The following PLA2R1 variants were observed in gnomAD, a reference collection of about 807,000 sequenced individuals.
The protein encoded by PLA2R1 is phospholipase A2 receptor 1.
PLA2R1 carries 158 observed loss-of-function variants against 195.9 expected under a neutral mutation model. That is an observed-to-expected ratio of 0.81 (90% CI 0.71 to 0.92). PLA2R1 has a LOEUF of 0.92. Ranked by LOEUF, PLA2R1 falls within the 40% of genes least tolerant of loss-of-function variation. The probability of loss-of-function intolerance (pLI) is 0.00; values close to 1 mark genes in which losing one functional copy is unlikely to be tolerated. For synonymous variants in PLA2R1, 586 were observed against 598.2 expected (o/e 0.98, Z 0.30); for missense variants, 1,626 against 1,764.6 (o/e 0.92, Z 1.41).
chr2:159,960,804 C>T (rs1024147894), intron 20 of PLA2R1, among the ~76,000 whole-genome samples: 2 of 152,138 alleles, frequency 1.3e-5, no homozygotes, highest in Non-Finnish European at 2.9e-5. Flanking sequence ...AGTTTTAAAA[C>T]CCACTTAATT....
rs1330954157 is a variant in PLA2R1, at chr2:159,951,356, C to T, written c.3524G>A (p.Gly1175Glu). 6.2e-7 allele frequency: 1 copy of T among 1,603,318 alleles called. No homozygotes were observed. The highest frequency in any genetic ancestry group is 1.7e-5 in the Admixed American group (1 of 60,000). Residue 1175 changes from glycine to glutamate, a missense_variant, in exon 24 of 30, where the codon GGA (glycine) becomes GAA (glutamate). Physicochemically the swap from Gly to Glu is moderately conservative, Grantham distance 98. Coordinates refer to ENST00000283243, the MANE Select transcript of PLA2R1 (RefSeq NM_007366.5). ...GATACCTACATCTGTGGTGAACAGT[C>T]CAATCCAGTGGGCATATCCTAGCCG... ...LNRLGYAHWI[G>E]LFTTDNGLNF...
At chr2:159,975,725 G>C (rs1321134662) in intron 17 of PLA2R1, among the ~76,000 whole-genome samples, 1 of 151,764 alleles carries the variant, frequency 6.6e-6, no homozygotes, top group African/African-American at 2.4e-5. Context: ...TAGGAATTTG[G>C]GTCTTTTTTA....
intron 17 of PLA2R1, among the ~76,000 whole-genome samples, chr2:159,971,079 T>C (rs1320230780): frequency 1.5e-4 from 23 of 152,152 alleles, no homozygotes; most frequent in Non-Finnish European, 1.5e-4. Context: ...TCTGCACATG[T>C]ATCCCAGAAC....
chr2:159,998,772 C>T (rs1161443451), intron 11 of PLA2R1, among the ~76,000 whole-genome samples: 1 of 152,088 alleles, frequency 6.6e-6, no homozygotes, highest in African/African-American at 2.4e-5. Context: ...ACTTCTTTAA[C>T]CACTAAATCC....
chr2:160,020,188 G>T lies in PLA2R1; in HGVS notation c.1370C>A (p.Ser457Ter), dbSNP rs773347307. 1.2e-6 allele frequency: 2 copies of T among 1,608,498 alleles called. No homozygotes were observed. Among genetic ancestry groups the T allele is most frequent in the African/African-American group, 1.3e-5 (1 of 74,934 alleles). The part of the protein sequence containing the change: ...PVSFEWSNDS[S>*]VIFTNWHTLE... ...TGTGTGCCAATTAGTAAAGATGACTGAAGAGTCATTAGACCATTCAAAGGA... is the reference window on the plus strand; with the variant it reads ...TGTGTGCCAATTAGTAAAGATGACTTAAGAGTCATTAGACCATTCAAAGGA... Residue 457 changes from serine to a stop codon, truncating the protein, a stop_gained, in exon 8 of 30, where the codon TCA becomes TAA. Coordinates refer to ENST00000283243, the MANE Select transcript of PLA2R1 (RefSeq NM_007366.5). LOFTEE classifies it high-confidence loss of function.
chr2:159,971,632 T>C (rs1689198820), intron 17 of PLA2R1, among the ~76,000 whole-genome samples: 1 of 152,154 alleles, frequency 6.6e-6, no homozygotes. Context: ...TGTGTGTGTG[T>C]GTGTTGTGTG....
At chr2:159,943,840 C>T (rs956715633) in intron 28 of PLA2R1, among the ~76,000 whole-genome samples, 2 of 150,514 alleles carry the variant, frequency 1.3e-5, no homozygotes, top group African/African-American at 4.9e-5. Flanking sequence ...AGTTGAGACT[C>T]ACACTGTGGG....
At chr2:160,050,833 C>T (rs1313553744) in intron 1 of PLA2R1, among the ~76,000 whole-genome samples, 1 of 152,180 alleles carries the variant, frequency 6.6e-6, no homozygotes, top group Non-Finnish European at 1.5e-5. Context: ...GCCATTATTA[C>T]AGTTTGATCT....
intron 11 of PLA2R1, among the ~76,000 whole-genome samples, chr2:159,996,794 T>C (rs1691242585): frequency 6.6e-6 from 1 of 152,154 alleles, no homozygotes; most frequent in Admixed American, 6.6e-5. Context: ...GATTCTTTTC[T>C]CATCTGTGCC....
At chr2:159,946,281 C>T in intron 27 of PLA2R1, 1 of 985,336 alleles carries the variant, frequency 1.0e-6, no homozygotes, top group South Asian at 4.7e-5. Flanking sequence ...CTGTAACAAG[C>T]TCTCCATACC....
chr2:159,994,004 C>A (rs1606116), intron 11 of PLA2R1, among the ~76,000 whole-genome samples: 8,960 of 151,834 alleles, frequency 0.059, 470 homozygotes, highest in East Asian at 0.18. Flanking sequence ...ACTATCCCAG[C>A]TATAAGTGAA....
rs1373031692 is a variant in PLA2R1, at chr2:159,949,616, A to C, written c.3701T>G (p.Val1234Gly). The stretch of plus-strand genomic sequence containing the variant: ...AATAGAATTGAACCTACCAGGTGGC[A>C]CATGACAAATGGCACCTTGCAGAAA... The part of the protein sequence containing the change: ...ESFLQGAICH[V>G]PPETRQSEHP... The change falls in exon 25 of 30, where the codon GTG (valine) becomes GGG (glycine). Residue 1234 changes from valine (V) to glycine (G), a missense_variant. By Grantham distance (109) the Val-to-Gly change is moderately radical. Coordinates refer to ENST00000283243, the MANE Select transcript of PLA2R1 (RefSeq NM_007366.5). 1.2e-6 allele frequency: 2 copies of C among 1,613,344 alleles called. No homozygotes were observed. The highest frequency in any genetic ancestry group is 2.2e-5 in the South Asian group (2 of 91,066).
At chr2:160,039,026 C>T (rs1470500104) in intron 3 of PLA2R1, among the ~76,000 whole-genome samples, 1 of 151,898 alleles carries the variant, frequency 6.6e-6, no homozygotes, top group Non-Finnish European at 1.5e-5. Context: ...ACCACCACAC[C>T]CAGCTAATTT....
chr2:159,956,986 A>C (rs943537853), intron 20 of PLA2R1, among the ~76,000 whole-genome samples: 1 of 151,232 alleles, frequency 6.6e-6, no homozygotes, highest in Non-Finnish European at 1.5e-5. Context: ...AAAAAAAAAA[A>C]CAAAAACATT....
chr2:159,971,349 C>T lies in PLA2R1; in HGVS notation c.2596-1137G>A, dbSNP rs528188271. Among the ~76,000 whole-genome samples, 42 of 152,078 alleles carry T rather than the reference C, an allele frequency of 2.8e-4. 1 individual carries two copies. Among genetic ancestry groups the T allele is most frequent in the African/African-American group, 9.6e-4 (40 of 41,518 alleles). On this transcript the variant is annotated intron_variant, in intron 17 of 29. Coordinates refer to ENST00000283243, the MANE Select transcript of PLA2R1 (RefSeq NM_007366.5). The stretch of plus-strand genomic sequence containing the variant: ...AGGAAATAGAAGACTTGAACAACAA[C>T]AACAAAAAGAAAATTATCCTTTTAC...
intron 17 of PLA2R1, among the ~76,000 whole-genome samples, chr2:159,975,237 A>C (rs528612989): frequency 6.6e-6 from 1 of 152,182 alleles, no homozygotes; most frequent in Non-Finnish European, 1.5e-5. Context: ...TGATGTTTTA[A>C]AGTATATATA....
chr2:160,016,974 T>C (rs891467764), intron 8 of PLA2R1, among the ~76,000 whole-genome samples: 1 of 152,192 alleles, frequency 6.6e-6, no homozygotes, highest in African/African-American at 2.4e-5. Context: ...TGCTTCTTGA[T>C]AGCTGCCATG....
In PLA2R1 at chr2:160,023,811, G is replaced by C. The variant is rs578142542; in HGVS notation, c.1100-952C>G. 6.6e-5 allele frequency among the ~76,000 whole-genome samples: 10 copies of C among 152,318 alleles called. No individual in the cohort carries two copies. In the South Asian group the frequency reaches 2.1e-3, roughly 32 times the overall value. ...GAATAAATGACTACATTTTCACGAAGGCAGCTGAAGGAGAGTGCTGGAGCA... is the reference window on the plus strand; with the variant it reads ...GAATAAATGACTACATTTTCACGAACGCAGCTGAAGGAGAGTGCTGGAGCA... On this transcript the variant is annotated intron_variant, in intron 6 of 29. Transcript: ENST00000283243.
intron 1 of PLA2R1, among the ~76,000 whole-genome samples, chr2:160,053,591 C>A (rs539020984): frequency 3.3e-5 from 5 of 152,318 alleles, no homozygotes; most frequent in African/African-American, 9.6e-5. Context: ...CTCGCAGAAC[C>A]CACAGAAGTG....
Sources: gnomAD v4.1 joint callset for allele counts (sites outside exome capture counted in the v4.1 genomes callset) on GRCh38, gnomAD v4.1.1 for gene constraint, MANE v1.5 for transcripts, NCBI Gene and HGNC (gene_info 2026-07-23, HGNC 2026-07-21) for gene names.